The following TAFA2 variants were observed in gnomAD, a reference collection of about 807,000 sequenced individuals.
TAFA2 encodes chemokine-like protein TAFA-2.
Under a neutral mutation model 18.8 loss-of-function variants are expected in TAFA2, and 7 were observed. That is an observed-to-expected ratio of 0.37 (90% CI 0.21 to 0.70). TAFA2 has a LOEUF of 0.70. Among genes scored for constraint, TAFA2 ranks in the 30% least tolerant of loss-of-function variants. TAFA2 has a pLI of 0.53. For synonymous variants in TAFA2, 60 were observed against 54.2 expected, an observed-to-expected ratio of 1.11 and a Z score of -0.47; for missense variants, 122 against 158.1, an observed-to-expected ratio of 0.77 and a Z score of 1.23.
intron 1 of TAFA2, among the ~76,000 whole-genome samples, chr12:62,238,021 C>CTAGACTCAGGAGTTTTTCTCCCTA (rs1372420280): frequency 5.3e-5 from 8 of 152,190 alleles, no homozygotes; most frequent in African/African-American, 1.9e-4. Context: ...TTGTTGCTAG[C>CTAGACTCAGGAGTTTTTCTCCCTA]TAGACTCAGG....
intron 1 of TAFA2, among the ~76,000 whole-genome samples, chr12:62,152,484 T>C (rs1371084764): frequency 6.6e-6 from 1 of 152,204 alleles, no homozygotes; most frequent in Non-Finnish European, 1.5e-5. Flanking sequence ...GGTCCCAAGT[T>C]CTCTGGAGAC....
chr12:61,964,881 T>G (rs1879015836), intron 1 of TAFA2, among the ~76,000 whole-genome samples: 1 of 151,868 alleles, frequency 6.6e-6, no homozygotes, highest in Admixed American at 6.6e-5. Flanking sequence ...CCCAATAACT[T>G]TTTTTAATGT....
chr12:61,755,155 T>C (rs1172287659), intron 2 of TAFA2, 131 bp from the exon 3 acceptor site: 10 of 721,398 alleles, frequency 1.4e-5, no homozygotes, highest in African/African-American at 5.3e-5. Flanking sequence ...AGAAATACAA[T>C]GATGCTAACT....
At chr12:61,990,723 T>G (rs989914088) in intron 1 of TAFA2, among the ~76,000 whole-genome samples, 1 of 152,216 alleles carries the variant, frequency 6.6e-6, no homozygotes, top group Non-Finnish European at 1.5e-5. Context: ...ATTACTTATG[T>G]GGTAGTGCTT....
chr12:62,234,744 G>T, intron 1 of TAFA2: 1 of 1,108,172 alleles, frequency 9.0e-7, no homozygotes, highest in Non-Finnish European at 1.4e-6. Context: ...CCTTTCCTGA[G>T]GCCTGGAGTT....
At chr12:61,780,496 T>C (rs189314371) in intron 2 of TAFA2, among the ~76,000 whole-genome samples, 1 of 151,932 alleles carries the variant, frequency 6.6e-6, no homozygotes, top group Admixed American at 6.6e-5. Context: ...ATTCTTTATT[T>C]GCCCCTTTGT....
chr12:62,071,193 T>C (rs1015708862), intron 1 of TAFA2, among the ~76,000 whole-genome samples: 40 of 151,890 alleles, frequency 2.6e-4, no homozygotes, highest in Admixed American at 1.7e-3. Flanking sequence ...AATGCAACAA[T>C]GTGATGGAAA....
intron 1 of TAFA2, among the ~76,000 whole-genome samples, chr12:61,929,853 T>C (rs1877479162): frequency 6.6e-6 from 1 of 151,990 alleles, no homozygotes; most frequent in African/African-American, 2.4e-5. Context: ...ATGTCCTTTG[T>C]AGGGACATGG....
intron 2 of TAFA2, among the ~76,000 whole-genome samples, chr12:61,860,990 G>A (rs1302131866): frequency 2.0e-5 from 3 of 152,014 alleles, no homozygotes; most frequent in Non-Finnish European, 4.4e-5. Context: ...TCCCTCCATC[G>A]CTCAGGCTGG....
rs1011951099 is a variant in TAFA2, at chr12:62,212,562, G to C, written c.-130+46201C>G. On this transcript the variant is annotated intron_variant, in intron 1 of 5. Coordinates refer to the TAFA2 transcript ENST00000551619. ...GTCGTCTGACATCCATGAAGGAAAA[G>C]TCCCTCTTCTCCTCTGTCTGCTGAA... Among the ~76,000 whole-genome samples the C allele has an allele frequency of 2.6e-5, 4 of 151,588 alleles. No individual in the cohort carries two copies. The East Asian group carries it at 7.8e-4, about 30-fold the overall frequency.
intron 2 of TAFA2, among the ~76,000 whole-genome samples, chr12:61,847,827 G>A (rs1044725355): frequency 6.6e-6 from 1 of 152,146 alleles, no homozygotes; most frequent in Non-Finnish European, 1.5e-5. Context: ...CATCTGTTTT[G>A]AGATATGACA....
chr12:61,952,763 T>C (rs1363809036), intron 1 of TAFA2, among the ~76,000 whole-genome samples: 1 of 152,040 alleles, frequency 6.6e-6, no homozygotes, highest in Non-Finnish European at 1.5e-5. Context: ...ATTATATAAA[T>C]AAGAATTTAA....
chr12:61,759,576 A>G (rs1441325365), intron 2 of TAFA2, among the ~76,000 whole-genome samples: 1 of 152,038 alleles, frequency 6.6e-6, no homozygotes, highest in Non-Finnish European at 1.5e-5. Context: ...CCATGTTGTT[A>G]TAAACCTCTA....
intron 1 of TAFA2, among the ~76,000 whole-genome samples, chr12:62,134,557 C>T (rs992890212): frequency 7.9e-5 from 12 of 151,994 alleles, no homozygotes; most frequent in African/African-American, 2.7e-4. Flanking sequence ...ACTCAGTCTA[C>T]AGTAGTTTGT....
At chr12:61,922,936 C>T (rs1000441594) in intron 1 of TAFA2, among the ~76,000 whole-genome samples, 48 of 152,278 alleles carry the variant, frequency 3.2e-4, no homozygotes, top group African/African-American at 8.4e-4. Context: ...ATTCCCGAGG[C>T]TTCAGTAGGG....
rs530523244 is a variant in TAFA2 at position 61,978,162 on chromosome 12, G to T, written c.-1-110736C>A. ...ATGTAAAATAATATTACCCCTCTCA[G>T]TAGGAGACTATGTGGATTAAAAAGA... On this transcript the variant is annotated intron_variant, in intron 1 of 4. Coordinates refer to ENST00000416284, the MANE Select transcript of TAFA2 (RefSeq NM_178539.5). 2.6e-5 allele frequency among the ~76,000 whole-genome samples: 4 copies of T among 152,040 alleles called. 1 individual carries two copies. Among genetic ancestry groups the T allele is most frequent in the Admixed American group, 2.6e-4 (4 of 15,244 alleles).
At chr12:62,165,906 C>G (rs1235474895) in intron 1 of TAFA2, among the ~76,000 whole-genome samples, 2 of 148,118 alleles carry the variant, frequency 1.4e-5, no homozygotes, top group East Asian at 2.0e-4. Flanking sequence ...TACAGTCTCT[C>G]TCTCTCTCTC....
chr12:61,981,560 T>G (rs1879637403), intron 1 of TAFA2, among the ~76,000 whole-genome samples: 1 of 152,108 alleles, frequency 6.6e-6, no homozygotes, highest in Admixed American at 6.5e-5. Context: ...AATCTACCCA[T>G]CTGATAAAGG....
intron 1 of TAFA2, among the ~76,000 whole-genome samples, chr12:62,006,633 G>T (rs1051456127): frequency 1.4e-4 from 22 of 152,152 alleles, no homozygotes; most frequent in Non-Finnish European, 7.3e-5. Context: ...TACTCAGATG[G>T]ATGGAGCCAC....
Sources: allele counts gnomAD v4.1 joint callset (sites outside exome capture counted in the v4.1 genomes callset), GRCh38; gene constraint gnomAD v4.1.1; transcripts MANE v1.5; gene names NCBI Gene and HGNC (gene_info 2026-07-23, HGNC 2026-07-21).